Variants in ROBO2 observed in about 807,000 individuals in gnomAD.
The protein encoded by ROBO2 is roundabout homolog 2.
A neutral mutation model predicts 160.8 loss-of-function variants in ROBO2; 53 were observed. The observed-to-expected ratio is 0.33, with a 90% confidence interval of 0.26 to 0.41. ROBO2 has a LOEUF of 0.41. Among genes scored for constraint, ROBO2 ranks in the 10% least tolerant of loss-of-function variants. ROBO2 has a pLI of 1.00. For missense variants in ROBO2, 1,577 were observed against 1,722.4 expected, an observed-to-expected ratio of 0.92 and a Z score of 1.49; for synonymous variants, 664 against 611.7, an observed-to-expected ratio of 1.09 and a Z score of -1.26.
At chr3:76,031,555 A>G (rs9755346) in intron 2 of ROBO2, among the ~76,000 whole-genome samples, 32,834 of 151,802 alleles carry the variant, frequency 0.22, 4,116 homozygotes, top group African/African-American at 0.36. Context: ...CGAATTTATT[A>G]AGAGTTTTTA....
chr3:75,979,922 A>G (rs2065231006), intron 2 of ROBO2, among the ~76,000 whole-genome samples: 1 of 151,574 alleles, frequency 6.6e-6, no homozygotes, highest in South Asian at 2.1e-4. Flanking sequence ...TTTTCAAGAA[A>G]TTCCATTTCC....
At chr3:76,916,057 C>A (rs551891485) in intron 2 of ROBO2, among the ~76,000 whole-genome samples, 31 of 152,288 alleles carry the variant, frequency 2.0e-4, no homozygotes, top group Non-Finnish European at 4.4e-4. Flanking sequence ...CTCCTGATAT[C>A]ATCAGATGGA....
chr3:77,355,919 T>C (rs1483195722), intron 2 of ROBO2, among the ~76,000 whole-genome samples: 2 of 130,338 alleles, frequency 1.5e-5, no homozygotes, highest in African/African-American at 5.5e-5. Context: ...CTGAGACAGA[T>C]AATCCAAAAA....
intron 2 of ROBO2, among the ~76,000 whole-genome samples, chr3:76,587,515 G>A (rs2086124101): frequency 1.3e-5 from 2 of 152,232 alleles, no homozygotes; most frequent in South Asian, 4.2e-4. Context: ...TGAGTGCCCA[G>A]TGAAGGGGGA....
At chr3:77,625,877 A>C (rs1280790286) in intron 23 of ROBO2, among the ~76,000 whole-genome samples, 4 of 152,208 alleles carry the variant, frequency 2.6e-5, no homozygotes, top group Non-Finnish European at 4.4e-5. Flanking sequence ...GCTGATCCCT[A>C]TTATAAAGTT....
At chr3:76,102,852 T>C (rs906270034) in intron 2 of ROBO2, among the ~76,000 whole-genome samples, 3 of 150,132 alleles carry the variant, frequency 2.0e-5, no homozygotes, top group African/African-American at 7.4e-5. Context: ...TGAGATGGAG[T>C]CTCACTCTGT....
At chr3:77,129,271 G>T (rs1380595692) in intron 2 of ROBO2, among the ~76,000 whole-genome samples, 1 of 152,070 alleles carries the variant, frequency 6.6e-6, no homozygotes, top group Non-Finnish European at 1.5e-5. Context: ...TACACATTGT[G>T]CAATGACTAA....
At chr3:76,709,064 G>A (rs932797929) in intron 2 of ROBO2, among the ~76,000 whole-genome samples, 2 of 152,040 alleles carry the variant, frequency 1.3e-5, no homozygotes, top group Admixed American at 6.6e-5. Flanking sequence ...AGAAGATAAT[G>A]GATTTATTTT....
At chr3:77,310,157 C>T (rs985190967) in intron 2 of ROBO2, among the ~76,000 whole-genome samples, 5 of 151,952 alleles carry the variant, frequency 3.3e-5, no homozygotes, top group Non-Finnish European at 5.9e-5. Flanking sequence ...TAATGGATCA[C>T]GTATCAAATT....
intron 2 of ROBO2, among the ~76,000 whole-genome samples, chr3:76,702,287 T>C (rs1287461533): frequency 2.0e-5 from 3 of 152,088 alleles, no homozygotes; most frequent in African/African-American, 7.2e-5. Context: ...TGATGAACTG[T>C]ACCTAGATTG....
intron 24 of ROBO2, among the ~76,000 whole-genome samples, chr3:77,636,912 TG>T (rs2095273194): frequency 6.6e-6 from 1 of 152,208 alleles, no homozygotes; most frequent in South Asian, 2.1e-4. Context: ...AATTAAAATA[TG>T]TATCCTGAAG....
chr3:75,951,976 G>A (rs1346573706), intron 2 of ROBO2, among the ~76,000 whole-genome samples: 1 of 151,954 alleles, frequency 6.6e-6, no homozygotes, highest in Admixed American at 6.6e-5. Flanking sequence ...AAGCTGAAGT[G>A]CAAGATATAT....
At chr3:76,240,536 T>G (rs1048877381) in intron 2 of ROBO2, among the ~76,000 whole-genome samples, 6 of 152,204 alleles carry the variant, frequency 3.9e-5, no homozygotes, top group African/African-American at 1.4e-4. Context: ...AGAAGGAAAC[T>G]TTGAAGCATG....
chr3:77,510,316 G>A (rs1386675297), intron 5 of ROBO2, among the ~76,000 whole-genome samples: 4 of 152,074 alleles, frequency 2.6e-5, no homozygotes, highest in Non-Finnish European at 5.9e-5. Flanking sequence ...TATGGACCAC[G>A]ACATCTAAGC....
intron 2 of ROBO2, among the ~76,000 whole-genome samples, chr3:77,459,223 A>G (rs60120850): frequency 0.021 from 3,176 of 152,328 alleles, 106 homozygotes; most frequent in African/African-American, 0.072. Flanking sequence ...GCATTTCAAG[A>G]TCATTCCACA....
chr3:76,467,092 TA>T (rs1345674442), intron 2 of ROBO2, among the ~76,000 whole-genome samples: 2 of 152,088 alleles, frequency 1.3e-5, no homozygotes, highest in African/African-American at 4.8e-5. Context: ...ATATATTTTA[TA>T]TGTTCATGTT....
chr3:76,223,346 AGAGATGAAAAGGCTGAT>A (rs1704092046), intron 2 of ROBO2, among the ~76,000 whole-genome samples: 1 of 151,784 alleles, frequency 6.6e-6, no homozygotes, highest in Admixed American at 6.6e-5. Flanking sequence ...CCCCTCAGAT[AGAGATGAAAAGGCTGAT>A]ACCTTTGGTG....
chr3:76,297,581 C>CT (rs1559730724), intron 2 of ROBO2, among the ~76,000 whole-genome samples: 1 of 151,564 alleles, frequency 6.6e-6, no homozygotes, highest in Admixed American at 6.6e-5. Context: ...TTAAAAATCT[C>CT]TTTTTAAAAT....
chr3:77,439,614 C>G (rs906727155), intron 2 of ROBO2, among the ~76,000 whole-genome samples: 6 of 152,006 alleles, frequency 3.9e-5, no homozygotes, highest in African/African-American at 1.4e-4. Context: ...TGAAGGGTTC[C>G]TTGTATTAAT....
Sources: gnomAD v4.1 joint callset for allele counts (sites outside exome capture counted in the v4.1 genomes callset) on GRCh38, gnomAD v4.1.1 for gene constraint, MANE v1.5 for transcripts, NCBI Gene and HGNC (gene_info 2026-07-23, HGNC 2026-07-21) for gene names.